PEAK1: variants seen among roughly 807,000 people sequenced by gnomAD.
The protein encoded by PEAK1 is pseudopodium enriched atypical kinase 1.
A neutral mutation model predicts 124.7 loss-of-function variants in PEAK1; 54 were observed. The observed-to-expected ratio is 0.43, with a 90% CI of 0.35 to 0.54. The LOEUF (loss-of-function observed/expected upper bound fraction) is 0.54. Among genes scored for constraint, PEAK1 ranks in the 20% least tolerant of loss-of-function variants. The pLI, the probability that PEAK1 is intolerant of heterozygous loss-of-function variation, is 0.01. For missense variants in PEAK1, 2,046 were observed against 2,134.5 expected (o/e 0.96, Z 0.82); for synonymous variants, 719 against 760.0 (o/e 0.95, Z 0.89).
intron 5 of PEAK1, among the ~76,000 whole-genome samples, chr15:77,280,558 G>C (rs896909730): frequency 7.5e-6 from 1 of 133,978 alleles, no homozygotes; most frequent in African/African-American, 2.8e-5. Context: ...ATAATCAAAT[G>C]ATTTCCTTTT....
At chr15:77,313,724 G>A (rs1387602570) in intron 2 of PEAK1, among the ~76,000 whole-genome samples, 83 of 108,290 alleles carry the variant, frequency 7.7e-4, no homozygotes, top group African/African-American at 2.3e-3. Context: ...GTGTGTGTGT[G>A]TGTATATATA....
intron 2 of PEAK1, among the ~76,000 whole-genome samples, chr15:77,289,345 T>G (rs900437243): frequency 6.6e-6 from 1 of 152,224 alleles, no homozygotes; most frequent in Non-Finnish European, 1.5e-5. Context: ...TAGAATAAGG[T>G]AACATAAGAC....
intron 8 of PEAK1, among the ~76,000 whole-genome samples, chr15:77,150,102 T>C (rs1193742081): frequency 6.6e-6 from 1 of 152,204 alleles, no homozygotes; most frequent in East Asian, 1.9e-4. Flanking sequence ...GCTATCTTTC[T>C]GATAGGGCAT....
intron 2 of PEAK1, among the ~76,000 whole-genome samples, chr15:77,299,639 A>C (rs1367590008): frequency 2.0e-5 from 3 of 152,236 alleles, no homozygotes; most frequent in Admixed American, 2.0e-4. Context: ...GAATTTGAAC[A>C]TTACACACTG....
At chr15:77,254,698 A>T (rs2061043768) in intron 5 of PEAK1, among the ~76,000 whole-genome samples, 1 of 152,114 alleles carries the variant, frequency 6.6e-6, no homozygotes, top group Non-Finnish European at 1.5e-5. Context: ...CTTTCAAAGT[A>T]CTAGAATTAC....
At chr15:77,215,953 G>C (rs1181181585) in intron 6 of PEAK1, among the ~76,000 whole-genome samples, 1 of 151,998 alleles carries the variant, frequency 6.6e-6, no homozygotes, top group African/African-American at 2.4e-5. Context: ...AGACTGTTTT[G>C]ATTACTACAG....
chr15:77,303,961 T>C (rs868003421), intron 2 of PEAK1, among the ~76,000 whole-genome samples: 4 of 152,240 alleles, frequency 2.6e-5, no homozygotes, highest in African/African-American at 4.8e-5. Flanking sequence ...GCACCATTTA[T>C]TGAAAATGTC....
At chr15:77,320,731 A>G (rs1213033052) in intron 2 of PEAK1, among the ~76,000 whole-genome samples, 3 of 152,116 alleles carry the variant, frequency 2.0e-5, no homozygotes, top group Non-Finnish European at 4.4e-5. Context: ...ACATATGTAT[A>G]CATGTGCCAT....
intron 8 of PEAK1, among the ~76,000 whole-genome samples, chr15:77,145,798 A>G (rs1248620115): frequency 6.6e-6 from 1 of 152,166 alleles, no homozygotes; most frequent in African/African-American, 2.4e-5. Context: ...TATCTGCATC[A>G]CAGCAACTAT....
At chr15:77,234,681 T>C (rs531848620) in intron 6 of PEAK1, among the ~76,000 whole-genome samples, 1 of 151,796 alleles carries the variant, frequency 6.6e-6, no homozygotes, top group Admixed American at 6.6e-5. Context: ...TTTTTTAATT[T>C]AAAAAAAATT....
intron 1 of PEAK1, among the ~76,000 whole-genome samples, chr15:77,401,292 T>C (rs1166107876): frequency 6.6e-6 from 1 of 152,192 alleles, no homozygotes; most frequent in South Asian, 2.1e-4. Context: ...ACCATATAAA[T>C]GAGCAACTTT....
At chr15:77,399,293 TCTTCATA>T (rs1426164131) in intron 1 of PEAK1, among the ~76,000 whole-genome samples, 2 of 152,096 alleles carry the variant, frequency 1.3e-5, no homozygotes, top group Non-Finnish European at 2.9e-5. Flanking sequence ...CCAATGACAT[TCTTCATA>T]GAAATAGAAA....
intron 6 of PEAK1, among the ~76,000 whole-genome samples, chr15:77,229,421 T>C (rs912959497): frequency 6.6e-6 from 1 of 152,160 alleles, no homozygotes; most frequent in Non-Finnish European, 1.5e-5. Context: ...ATTTCCTCTA[T>C]TTACCCAATT....
intron 8 of PEAK1, among the ~76,000 whole-genome samples, chr15:77,135,227 CAT>C (rs1264890549): frequency 3.3e-5 from 5 of 152,150 alleles, no homozygotes; most frequent in African/African-American, 1.2e-4. Context: ...TACTATTGTT[CAT>C]ATAGAGTAGA....
chr15:77,106,721 A>G (rs537889603), downstream of PEAK1: 1 of 152,328 alleles, frequency 6.6e-6, no homozygotes, highest in South Asian at 2.1e-4. Context: ...CTGGAGCCTC[A>G]GTAAGTTTAC....
At chr15:77,284,117 T>A (rs1408064774) in intron 4 of PEAK1, 87 bp from the exon 5 acceptor site, 1 of 629,732 alleles carries the variant, frequency 1.6e-6, no homozygotes, top group Admixed American at 6.3e-5. Flanking sequence ...AATCTGGTCA[T>A]GTAAACAATG....
At chr15:77,333,824 T>A (rs2066033443) in intron 2 of PEAK1, 27 of 730,766 alleles carry the variant, frequency 3.7e-5, no homozygotes, top group Non-Finnish European at 4.2e-5. Flanking sequence ...AATCTTCTAA[T>A]ATATGGTGGT....
chr15:77,153,840 G>T (rs2054880371), intron 8 of PEAK1, among the ~76,000 whole-genome samples: 2 of 152,200 alleles, frequency 1.3e-5, no homozygotes, highest in Non-Finnish European at 2.9e-5. Context: ...TTGCACCGTG[G>T]CCTGAGAGAC....
At chr15:77,235,490 C>T (rs1359319715) in intron 6 of PEAK1, among the ~76,000 whole-genome samples, 1 of 152,108 alleles carries the variant, frequency 6.6e-6, no homozygotes, top group East Asian at 1.9e-4. Flanking sequence ...GAACTTTGAA[C>T]TTGAGAGAGA....
Sources: allele counts gnomAD v4.1 joint callset (sites outside exome capture counted in the v4.1 genomes callset), GRCh38; gene constraint gnomAD v4.1.1; transcripts MANE v1.5; gene names NCBI Gene and HGNC (gene_info 2026-07-23, HGNC 2026-07-21).